The following STIM1 variants were observed in gnomAD, a reference collection of about 807,000 sequenced individuals.
The protein encoded by STIM1 is stromal interaction molecule 1.
A neutral mutation model predicts 74.7 loss-of-function variants in STIM1; 25 were observed. That is an observed-to-expected ratio of 0.33 (90% CI 0.24 to 0.47). The LOEUF (loss-of-function observed/expected upper bound fraction) is 0.47. Among genes scored for constraint, STIM1 ranks in the 20% least tolerant of loss-of-function variants. STIM1 has a pLI of 1.00. For synonymous variants in STIM1, 328 were observed against 348.8 expected, an observed-to-expected ratio of 0.94 and a Z score of 0.66; for missense variants, 728 against 920.8, an observed-to-expected ratio of 0.79 and a Z score of 2.71.
intron 1 of STIM1, among the ~76,000 whole-genome samples, chr11:3,880,699 C>T (rs1413606551): frequency 2.0e-5 from 3 of 152,110 alleles, no homozygotes; most frequent in East Asian, 1.9e-4. Context: ...GACCATCGTG[C>T]GATGGTTATA....
intron 2 of STIM1, 41 bp downstream of exon 2, chr11:3,967,723 T>G: frequency 6.2e-7 from 1 of 1,613,434 alleles, no homozygotes; most frequent in Non-Finnish European, 8.5e-7. Context: ...TTTCTTCCTG[T>G]GTGAATTAGT....
chr11:3,873,418 CA>C (rs1159126517), intron 1 of STIM1, among the ~76,000 whole-genome samples: 1,021 of 57,088 alleles, frequency 0.018, 4 homozygotes, highest in African/African-American at 0.044. Flanking sequence ...AGCTCCATTT[CA>C]AAAAAAAAAA....
chr11:4,091,875 G>A lies in STIM1; in HGVS notation c.*77G>A. The A allele has an allele frequency of 6.3e-7, 1 of 1,580,958 alleles. No individual in the cohort carries two copies. The highest frequency in any genetic ancestry group is 8.6e-7 in the Non-Finnish European group (1 of 1,169,216). ...TCTCTCCTTCCCTCCCTTCCTTCAAGATAACTGGCCCCAAGAGTGGGGCAT... is the reference window on the plus strand; with the variant it reads ...TCTCTCCTTCCCTCCCTTCCTTCAAAATAACTGGCCCCAAGAGTGGGGCAT... On this transcript the variant is annotated 3_prime_UTR_variant, in exon 13 of 13. Transcript: ENST00000526596.
rs546587460 is a variant in STIM1 at position 4,040,670 on chromosome 11, A to G, written c.386-14856A>G. Among the ~76,000 whole-genome samples the G allele has an allele frequency of 2.0e-5, 3 of 152,234 alleles. No homozygotes were observed. In the South Asian group the frequency reaches 6.2e-4, roughly 31 times the overall value. ...GCCCAGAGTAGGAATGCAGCACACA[A>G]AAATGTGTCCTTGACTGTTTGATTG... On this transcript the variant is annotated intron_variant, in intron 3 of 12. Transcript: ENST00000526596.
At chr11:3,927,406 T>C (rs528004357) in intron 1 of STIM1, among the ~76,000 whole-genome samples, 13 of 152,208 alleles carry the variant, frequency 8.5e-5, no homozygotes, top group Non-Finnish European at 1.6e-4. Flanking sequence ...ATTAGGGACA[T>C]TCATTAGGTG....
chr11:3,926,494 T>A (rs570746436), intron 1 of STIM1, among the ~76,000 whole-genome samples: 1 of 152,368 alleles, frequency 6.6e-6, no homozygotes, highest in East Asian at 1.9e-4. Flanking sequence ...ACCACTGTCT[T>A]AATACATACT....
At chr11:3,906,427 G>A (rs926723518) in intron 1 of STIM1, among the ~76,000 whole-genome samples, 1 of 152,112 alleles carries the variant, frequency 6.6e-6, no homozygotes, top group Non-Finnish European at 1.5e-5. Context: ...GACTGAATAG[G>A]TGTCCTGAAT....
intron 1 of STIM1, among the ~76,000 whole-genome samples, chr11:3,894,854 T>C (rs6578417): frequency 0.31 from 46,085 of 150,902 alleles, 8,167 homozygotes; most frequent in African/African-American, 0.49. Context: ...TTCTCCTGCC[T>C]CAGCCTCCCA....
At chr11:4,049,986 C>T (rs1023016466) in intron 3 of STIM1, among the ~76,000 whole-genome samples, 2 of 152,038 alleles carry the variant, frequency 1.3e-5, no homozygotes, top group South Asian at 2.1e-4. Context: ...ATAGACTAAG[C>T]GCTATGTAAG....
chr11:3,980,771 A>G (rs1224405067), intron 2 of STIM1, among the ~76,000 whole-genome samples: 1 of 152,082 alleles, frequency 6.6e-6, no homozygotes, highest in Non-Finnish European at 1.5e-5. Flanking sequence ...CATTATTGAT[A>G]TTTTGGGCCA....
intron 1 of STIM1, among the ~76,000 whole-genome samples, chr11:3,934,739 T>C (rs1158330767): frequency 6.6e-6 from 1 of 152,244 alleles, no homozygotes; most frequent in African/African-American, 2.4e-5. Flanking sequence ...CATAATTCAC[T>C]GTTTTGTGTA....
chr11:3,876,934 TCAGA>T (rs1172755982), intron 1 of STIM1, among the ~76,000 whole-genome samples: 2 of 152,190 alleles, frequency 1.3e-5, no homozygotes, highest in African/African-American at 4.8e-5. Context: ...CGATTTGGAA[TCAGA>T]CAGACCAGGT....
At chr11:4,042,453 C>A (rs910349655) in intron 3 of STIM1, among the ~76,000 whole-genome samples, 1 of 152,164 alleles carries the variant, frequency 6.6e-6, no homozygotes, top group Non-Finnish European at 1.5e-5. Context: ...TCTCCCTCCA[C>A]CAAAATATAA....
intron 1 of STIM1, among the ~76,000 whole-genome samples, chr11:3,902,680 G>T (rs1009378235): frequency 1.4e-4 from 22 of 152,202 alleles, no homozygotes; most frequent in African/African-American, 4.1e-4. Flanking sequence ...GACTGGTACA[G>T]TCTGCAGCCT....
At chr11:3,910,081 T>G (rs2092536741) in intron 1 of STIM1, among the ~76,000 whole-genome samples, 1 of 152,104 alleles carries the variant, frequency 6.6e-6, no homozygotes, top group Non-Finnish European at 1.5e-5. Flanking sequence ...GGAAGAATTT[T>G]AGGGCAAGAT....
chr11:3,906,199 C>T (rs771476288), intron 1 of STIM1, among the ~76,000 whole-genome samples: 2 of 152,212 alleles, frequency 1.3e-5, no homozygotes, highest in Non-Finnish European at 2.9e-5. Flanking sequence ...CTCTCTTTGG[C>T]ACAGTGGTAG....
At chr11:4,024,873 A>G (rs922430580) in intron 3 of STIM1, among the ~76,000 whole-genome samples, 2 of 152,204 alleles carry the variant, frequency 1.3e-5, no homozygotes, top group African/African-American at 4.8e-5. Flanking sequence ...GGAAGGGGAA[A>G]ACAGGGCTTT....
intron 3 of STIM1, among the ~76,000 whole-genome samples, chr11:4,047,389 G>A (rs148796202): frequency 1.1e-4 from 16 of 152,238 alleles, no homozygotes; most frequent in African/African-American, 3.8e-4. Context: ...GCCAAGGTGG[G>A]AGGATCACTT....
At chr11:3,895,869 T>C (rs1216980834) in intron 1 of STIM1, among the ~76,000 whole-genome samples, 1 of 139,914 alleles carries the variant, frequency 7.1e-6, no homozygotes. Context: ...CTCTCTCTCT[T>C]TCTTTTCTTT....
Sources: gnomAD v4.1 joint callset for allele counts (sites outside exome capture counted in the v4.1 genomes callset) on GRCh38, gnomAD v4.1.1 for gene constraint, MANE v1.5 for transcripts, NCBI Gene and HGNC (gene_info 2026-07-23, HGNC 2026-07-21) for gene names.